The following ITGA4 variants were observed in gnomAD, a reference collection of about 807,000 sequenced individuals.
The protein encoded by ITGA4 is integrin subunit alpha 4, also known as integrin alpha-4.
ITGA4 carries 63 observed loss-of-function variants against 133.6 expected under a neutral mutation model. The ratio of observed to expected loss-of-function variants is 0.47; its 90% CI spans 0.38 to 0.58. The LOEUF (loss-of-function observed/expected upper bound fraction) is 0.58. Ranked by LOEUF, ITGA4 falls within the 20% of genes least tolerant of loss-of-function variation. The pLI, the probability that ITGA4 is intolerant of heterozygous loss-of-function variation, is 0.00. For synonymous variants in ITGA4, 483 were observed against 438.0 expected (o/e 1.10, Z -1.28); for missense variants, 1,076 against 1,252.7 (o/e 0.86, Z 2.13).
At chr2:181,522,970 C>T (rs1333031975) in intron 18 of ITGA4, among the ~76,000 whole-genome samples, 2 of 152,086 alleles carry the variant, frequency 1.3e-5, no homozygotes, top group African/African-American at 4.8e-5. Flanking sequence ...GATTAAATAC[C>T]TTAAACACAT....
At position 181,482,597 on chromosome 2, in the gene ITGA4, G is replaced by A; in HGVS notation, c.987G>A (p.Met329Ile). The change falls in exon 9 of 28, where the codon ATG becomes ATA. Residue 329 changes from methionine to isoleucine, a missense_variant. Met to Ile is a conservative substitution (Grantham distance 10, BLOSUM62 1). Around this residue, in one of 4 missense-constraint regions of ITGA4, gnomAD observed 436 missense variants for 590.7 expected, o/e 0.74. Transcript: ENST00000397033. ...GFSDLLVGAP[M>I]QSTIREEGRV... ...CAGATCTGCTCGTGGGAGCACCCATGCAGAGCACCATCAGAGAGGAAGGAA... is the reference window on the plus strand; with the variant it reads ...CAGATCTGCTCGTGGGAGCACCCATACAGAGCACCATCAGAGAGGAAGGAA... 6.2e-7 allele frequency: 1 copy of A among 1,613,778 alleles called. No homozygotes were observed.
rs752180373 is a variant in ITGA4 at position 181,494,807 on chromosome 2, A to T, written c.1334A>T (p.Tyr445Phe). ...SGQIDADNNG[Y>F]VDVAVGAFRS... The stretch of plus-strand genomic sequence containing the variant: ...CAAATTGATGCAGATAATAATGGCT[A>T]TGTAGGTGAGTAATTAGTTTATCAT... Residue 445 changes from tyrosine to phenylalanine, a missense_variant, in exon 12 of 28, where the codon TAT becomes TTT. Physicochemically the swap from Tyr to Phe is conservative, Grantham distance 22. This residue lies in a region of ITGA4 where 436 missense variants were observed against 590.7 expected (regional missense o/e 0.74). Coordinates refer to ENST00000397033, the MANE Select transcript of ITGA4 (RefSeq NM_000885.6). 6.8e-7 allele frequency: 1 copy of T among 1,479,912 alleles called. No individual in the cohort carries two copies. The highest frequency in any genetic ancestry group is 2.3e-5 in the East Asian group (1 of 44,186). 91.7% of individuals were successfully genotyped at this position (1,479,912 alleles called of 1,614,324 possible).
chr2:181,493,042 C>G (rs1441756899), intron 10 of ITGA4: 1 of 264,164 alleles, frequency 3.8e-6, no homozygotes, highest in South Asian at 7.0e-5. Flanking sequence ...TGGCAGAGCT[C>G]GGATCAGACC....
intron 21 of ITGA4, among the ~76,000 whole-genome samples, chr2:181,526,046 C>T (rs1208650687): frequency 6.6e-6 from 1 of 152,166 alleles, no homozygotes; most frequent in Non-Finnish European, 1.5e-5. Context: ...CCGCAGTCAT[C>T]TTATCCACTT....
chr2:181,477,184 C>A (rs1050091025), intron 4 of ITGA4, among the ~76,000 whole-genome samples: 2 of 151,908 alleles, frequency 1.3e-5, no homozygotes, highest in Non-Finnish European at 2.9e-5. Flanking sequence ...TGAAATTGAA[C>A]GCTTATCTTA....
chr2:181,498,857 T>G, intron 15 of ITGA4, 80 bp downstream of exon 15: 1 of 1,466,938 alleles, frequency 6.8e-7, no homozygotes, highest in Non-Finnish European at 9.0e-7. Context: ...ATTGGTATCT[T>G]TTTATAAAAT....
At chr2:181,534,247 T>G in intron 25 of ITGA4, 25 bp from the exon 26 acceptor site, 1 of 1,364,436 alleles carries the variant, frequency 7.3e-7, no homozygotes, top group Admixed American at 1.7e-5. Flanking sequence ...AACCAGGCTA[T>G]GGTGATCCTT....
rs1394614783 is a variant in ITGA4 at position 181,537,280 on chromosome 2, AAAC to A, written c.*1757_*1759del. 2.2e-6 allele frequency: 1 copy of A among 453,686 alleles called. No individual in the cohort carries two copies. The highest frequency in any genetic ancestry group is 4.4e-6 in the Non-Finnish European group (1 of 226,508). 28.1% of individuals were successfully genotyped at this position (453,686 alleles called of 1,614,324 possible). ...TTCTTTCCTACTCAGAACTACTCAGAAACAACTATATATTTCAGGTTATCTGAG... is the reference window on the plus strand; with the variant it reads ...TTCTTTCCTACTCAGAACTACTCAGAAACTATATATTTCAGGTTATCTGAG... On this transcript the variant is annotated 3_prime_UTR_variant, in exon 28 of 28. Transcript: ENST00000397033.
chr2:181,515,193 T>A (rs1375492), intron 17 of ITGA4, among the ~76,000 whole-genome samples: 148,826 of 152,198 alleles, frequency 0.98, 72,866 homozygotes, highest in Middle Eastern at 1. Flanking sequence ...TTGAAGTCAA[T>A]CTGACCTGGT....
chr2:181,534,797 T>A lies in ITGA4; in HGVS notation c.2884-19T>A, dbSNP rs1271547437. ...TTTTTTTTTTGGTTTTTGAGTTTTA[T>A]TTTTCTTAACTCACGTAGGTTCTAC... On this transcript the variant is annotated intron_variant, in intron 26 of 27. Coordinates refer to ENST00000397033, the MANE Select transcript of ITGA4 (RefSeq NM_000885.6). 1 of 1,574,096 alleles carries A rather than the reference T, an allele frequency of 6.4e-7. No homozygotes were observed. Among genetic ancestry groups the A allele is most frequent in the African/African-American group, 1.4e-5 (1 of 72,144 alleles).
chr2:181,520,473 T>C (rs1286272920), intron 17 of ITGA4, among the ~76,000 whole-genome samples: 1 of 152,016 alleles, frequency 6.6e-6, no homozygotes, highest in East Asian at 1.9e-4. Context: ...CAGACACCAT[T>C]ATCTAGTTTG....
rs1252756739 is a variant in ITGA4 at position 181,524,175 on chromosome 2, A to C, written c.2174A>C (p.Asp725Ala). 2 of 1,598,810 alleles carry C rather than the reference A, an allele frequency of 1.3e-6. No homozygotes were observed. The highest frequency in any genetic ancestry group is 2.7e-5 in the African/African-American group (2 of 74,040). ...TTCCTGGTCTGTGTTTTACAGATAG[A>C]TATTAGCTTTCTCCTGGATGTGAGC... ...YIYVDHLSRIDISFLLDVSSL... is the reference protein window; with the variant it reads ...YIYVDHLSRIAISFLLDVSSL... The change falls in exon 20 of 28, where the codon GAT (aspartate) becomes GCT (alanine). Residue 725 changes from aspartate (D) to alanine (A), a missense_variant. By Grantham distance (126) the Asp-to-Ala change is moderately radical (BLOSUM62 -2). Transcript: ENST00000397033.
intron 14 of ITGA4, among the ~76,000 whole-genome samples, chr2:181,496,159 G>A (rs922385443): frequency 6.6e-6 from 1 of 152,206 alleles, no homozygotes; most frequent in Non-Finnish European, 1.5e-5. Flanking sequence ...TAGAGATTAT[G>A]AGAAGCAAAG....
At chr2:181,494,984 A>G (rs1056385955) in intron 12 of ITGA4, among the ~76,000 whole-genome samples, 172 bp downstream of exon 12, 1 of 152,202 alleles carries the variant, frequency 6.6e-6, no homozygotes, top group Non-Finnish European at 1.5e-5. Context: ...GTAATTCCTC[A>G]GCTTAACAGT....
At position 181,537,091 on chromosome 2, in the gene ITGA4, A is replaced by G. The variant is rs1003410975; in HGVS notation, c.*1564A>G. 6.6e-6 allele frequency: 3 copies of G among 451,638 alleles called. No individual in the cohort carries two copies. Among genetic ancestry groups the G allele is most frequent in the Non-Finnish European group, 1.3e-5 (3 of 225,862 alleles). The allele number at this position is 451,638 out of a possible 1,614,324, so 28.0% of individuals were successfully genotyped here. A position where few individuals can be genotyped will look rare whatever the true frequency, so the allele number is the denominator to read the frequency against. ...CCTCCTGAACCCAGAGTGTGTATACACAGGAATAAACTTTATGACATTTAT... is the reference window on the plus strand; with the variant it reads ...CCTCCTGAACCCAGAGTGTGTATACGCAGGAATAAACTTTATGACATTTAT... On this transcript the variant is annotated 3_prime_UTR_variant, in exon 28 of 28. Transcript: ENST00000397033.
chr2:181,526,674 A>C (rs1005227191), intron 21 of ITGA4, among the ~76,000 whole-genome samples: 14 of 152,094 alleles, frequency 9.2e-5, no homozygotes, highest in African/African-American at 2.9e-4. Flanking sequence ...AAGTTATCCC[A>C]CATTACATTT....
intron 17 of ITGA4, among the ~76,000 whole-genome samples, chr2:181,518,284 T>C (rs556561529): frequency 1.3e-5 from 2 of 152,202 alleles, no homozygotes; most frequent in South Asian, 4.2e-4. Context: ...TACACATTCT[T>C]CCAGCATATC....
At chr2:181,481,365 C>T (rs1249464499) in intron 6 of ITGA4, among the ~76,000 whole-genome samples, 3 of 152,142 alleles carry the variant, frequency 2.0e-5, no homozygotes, top group South Asian at 2.1e-4. Flanking sequence ...ATGCTATTTT[C>T]AATTTCTAGG....
chr2:181,528,117 A>C (rs1686871376), intron 22 of ITGA4, among the ~76,000 whole-genome samples: 1 of 152,212 alleles, frequency 6.6e-6, no homozygotes, highest in Non-Finnish European at 1.5e-5. Context: ...GATTAGGTAT[A>C]ATATTTTGTA....
Sources: allele counts gnomAD v4.1 joint callset (sites outside exome capture counted in the v4.1 genomes callset), GRCh38; gene constraint gnomAD v4.1.1; regional missense constraint gnomAD v4.1.1; transcripts MANE v1.5; gene names NCBI Gene and HGNC (gene_info 2026-07-23, HGNC 2026-07-21).